STARD13: variants seen among roughly 807,000 people sequenced by gnomAD.
STARD13 encodes stAR-related lipid transfer protein 13.
In STARD13, 62 loss-of-function variants were observed where a neutral mutation model predicts 106.4. The observed-to-expected ratio is 0.58, with a 90% CI of 0.48 to 0.72. The LOEUF (loss-of-function observed/expected upper bound fraction) is 0.72. Among genes scored for constraint, STARD13 ranks in the 30% least tolerant of loss-of-function variants. The probability of loss-of-function intolerance (pLI) is 0.00; values close to 1 mark genes in which losing one functional copy is unlikely to be tolerated. For synonymous variants in STARD13, 565 were observed against 553.0 expected (o/e 1.02, Z -0.31); for missense variants, 1,387 against 1,424.0 (o/e 0.97, Z 0.42).
At chr13:33,282,340 T>C (rs942716470) in intron 1 of STARD13, among the ~76,000 whole-genome samples, 2 of 152,204 alleles carry the variant, frequency 1.3e-5, no homozygotes, top group East Asian at 1.9e-4. Context: ...TTTTGATGTG[T>C]ACCCTAAGAT....
At chr13:33,373,396 T>C in the STARD13 span, among the ~76,000 whole-genome samples, 1 of 152,182 alleles carries the variant, frequency 6.6e-6, no homozygotes, top group Non-Finnish European at 1.5e-5. Flanking sequence ...TAACTAAGCA[T>C]CGTTTAACAA....
the STARD13 span, among the ~76,000 whole-genome samples, chr13:33,377,569 C>A: frequency 6.6e-6 from 1 of 151,986 alleles, no homozygotes; most frequent in Admixed American, 6.6e-5. Context: ...CTTAGCAGAG[C>A]ATTTAAATTA....
intron 2 of STARD13, 132 bp from the exon 3 acceptor site, chr13:33,165,550 G>A: frequency 2.9e-6 from 2 of 683,218 alleles, no homozygotes; most frequent in Non-Finnish European, 5.0e-6. Context: ...TGTTGGGAAT[G>A]TTTAAGAGAG....
At chr13:33,176,747 A>G (rs774786802) in intron 1 of STARD13, among the ~76,000 whole-genome samples, 1 of 152,222 alleles carries the variant, frequency 6.6e-6, no homozygotes, top group African/African-American at 2.4e-5. Context: ...TGATGCATCA[A>G]TGACTTGTAT....
the STARD13 span, among the ~76,000 whole-genome samples, chr13:33,382,781 TAAG>T: frequency 1.3e-5 from 2 of 152,206 alleles, no homozygotes; most frequent in Non-Finnish European, 2.9e-5. Flanking sequence ...GTAACACTGA[TAAG>T]AAATAAATGC....
rs1242178069 is a variant in STARD13, at chr13:33,235,105, C to T, written c.169+50365G>A. On this transcript the variant is annotated intron_variant, in intron 1 of 13. Coordinates refer to ENST00000336934, the MANE Select transcript of STARD13 (RefSeq NM_178006.4). ...ATCAGGAATGCTTGAGTCCCCAGTT[C>T]CCCAAATGTGCACCAGGGCACTCTG... 2.0e-5 allele frequency among the ~76,000 whole-genome samples: 3 copies of T among 152,218 alleles called. No homozygotes were observed. The East Asian group carries it at 5.8e-4, about 29-fold the overall frequency.
chr13:33,163,968 T>G (rs576784603), intron 3 of STARD13, among the ~76,000 whole-genome samples: 2 of 151,964 alleles, frequency 1.3e-5, no homozygotes, highest in Admixed American at 6.6e-5. Flanking sequence ...CTGCTTGCTG[T>G]GTACCTTAGA....
chr13:33,529,658 G>A, the STARD13 span, among the ~76,000 whole-genome samples: 8 of 152,204 alleles, frequency 5.3e-5, no homozygotes, highest in South Asian at 6.2e-4. Flanking sequence ...TGTACAAAAC[G>A]ATATGGGAAA....
chr13:33,513,374 T>C, the STARD13 span, among the ~76,000 whole-genome samples: 372 of 152,286 alleles, frequency 2.4e-3, no homozygotes, highest in Non-Finnish European at 4.4e-3. Flanking sequence ...TTTAGCTTTA[T>C]CAGCAATAAA....
the STARD13 span, among the ~76,000 whole-genome samples, chr13:33,562,635 C>A: frequency 6.8e-6 from 1 of 146,166 alleles, no homozygotes; most frequent in Non-Finnish European, 1.5e-5. Context: ...CCCTAGAGTA[C>A]CAAGTAGGTC....
At chr13:33,340,702 G>T (rs7331692) in intron 1 of STARD13, among the ~76,000 whole-genome samples, 147,466 of 152,324 alleles carry the variant, frequency 0.97, 71,533 homozygotes, top group East Asian at 1. Context: ...TTATTTTGGA[G>T]AAAAATGTTA....
the STARD13 span, among the ~76,000 whole-genome samples, chr13:33,384,250 G>T: frequency 6.6e-6 from 1 of 152,262 alleles, no homozygotes; most frequent in South Asian, 2.1e-4. Flanking sequence ...TCTTCCTTTA[G>T]CTTTAACCCT....
chr13:33,321,771 C>T (rs901088879), intron 1 of STARD13, among the ~76,000 whole-genome samples: 1 of 152,188 alleles, frequency 6.6e-6, no homozygotes, highest in Non-Finnish European at 1.5e-5. Context: ...GCTTATTTCT[C>T]TCTCCACCCA....
At chr13:33,448,207 C>T in the STARD13 span, among the ~76,000 whole-genome samples, 995 of 152,212 alleles carry the variant, frequency 6.5e-3, 11 homozygotes, top group African/African-American at 0.022. Flanking sequence ...ATTCAAAACC[C>T]TCTCTTCTAG....
chr13:33,518,107 A>G, the STARD13 span, among the ~76,000 whole-genome samples: 1 of 152,162 alleles, frequency 6.6e-6, no homozygotes, highest in East Asian at 1.9e-4. Flanking sequence ...AAAAGCAGAA[A>G]CAACTTCCAG....
the STARD13 span, among the ~76,000 whole-genome samples, chr13:33,537,094 G>A: frequency 1.3e-5 from 2 of 152,070 alleles, no homozygotes; most frequent in Non-Finnish European, 2.9e-5. Context: ...CAAATACCAC[G>A]ACTTGAGCAC....
At chr13:33,530,316 C>A in the STARD13 span, among the ~76,000 whole-genome samples, 2 of 152,118 alleles carry the variant, frequency 1.3e-5, no homozygotes, top group Non-Finnish European at 2.9e-5. Context: ...ATACCAATTG[C>A]AATTCTCTTT....
chr13:33,118,182 T>G lies in STARD13; in HGVS notation c.2164A>C (p.Asn722His). The change falls in exon 8 of 14, where the codon AAC (asparagine) becomes CAC (histidine). Residue 722 changes from asparagine to histidine, a missense_variant. By Grantham distance (68) the Asn-to-His change is moderately conservative. Coordinates refer to ENST00000336934, the MANE Select transcript of STARD13 (RefSeq NM_178006.4). ...TCATAAGCAGACTGGTCTTCATAGT[T>G]GACGTTCTCAGGGAAGTTTTCATTC... ...QMNENFPENV[N>H]YEDQSAYDVA... 6.2e-7 allele frequency: 1 copy of G among 1,614,204 alleles called. No individual in the cohort carries two copies. The highest frequency in any genetic ancestry group is 1.1e-5 in the South Asian group (1 of 91,082).
chr13:33,544,717 A>C, the STARD13 span, among the ~76,000 whole-genome samples: 14 of 151,762 alleles, frequency 9.2e-5, no homozygotes, highest in Admixed American at 9.2e-4. Flanking sequence ...ATTACTGATG[A>C]ATCATTTAAA....
Sources: gnomAD v4.1 joint callset for allele counts (sites outside exome capture counted in the v4.1 genomes callset) on GRCh38, gnomAD v4.1.1 for gene constraint, MANE v1.5 for transcripts, NCBI Gene and HGNC (gene_info 2026-07-23, HGNC 2026-07-21) for gene names.